SFTPD: variants seen among roughly 807,000 people sequenced by gnomAD.
SFTPD encodes the protein pulmonary surfactant-associated protein D.
A neutral mutation model predicts 34.6 loss-of-function variants in SFTPD; 18 were observed. The ratio of observed to expected loss-of-function variants is 0.52; its 90% CI spans 0.36 to 0.77. The LOEUF is 0.77. Ranked by LOEUF, SFTPD falls within the 30% of genes least tolerant of loss-of-function variation. The pLI is 0.00. For missense variants in SFTPD, 433 were observed against 468.9 expected, an observed-to-expected ratio of 0.92 and a Z score of 0.71; for synonymous variants, 155 against 180.9, an observed-to-expected ratio of 0.86 and a Z score of 1.15.
At chr10:79,963,041 T>C (rs1336755808) in intron 1 of SFTPD, among the ~76,000 whole-genome samples, 14 of 152,106 alleles carry the variant, frequency 9.2e-5, no homozygotes, top group Admixed American at 9.2e-4. Context: ...GGTGTCTTTG[T>C]TTCTATTAAA....
chr10:79,953,422 GTT>G (rs3084853), upstream of SFTPD, among the ~76,000 whole-genome samples: 20,182 of 144,376 alleles, frequency 0.14, 1,846 homozygotes, highest in East Asian at 0.41. Context: ...TGACAGGTGG[GTT>G]TTTTTTTTTT....
chr10:79,943,463 G>A lies in SFTPD; in HGVS notation c.200-584C>T, dbSNP rs17878788. ...GAAGTGTCCCTCATCTCATCTGAGC[G>A]TCCCCACCCCAGCACTCACACACTC... On this transcript the variant is annotated intron_variant, in intron 2 of 7. Coordinates refer to ENST00000372292, the MANE Select transcript of SFTPD (RefSeq NM_003019.5). Among the ~76,000 whole-genome samples, 13 of 152,220 alleles carry A rather than the reference G, an allele frequency of 8.5e-5. No individual in the cohort carries two copies. The East Asian group carries it at 1.2e-3, about 14-fold the overall frequency.
intron 1 of SFTPD, among the ~76,000 whole-genome samples, chr10:79,961,642 C>T (rs1182602376): frequency 6.6e-6 from 1 of 152,162 alleles, no homozygotes; most frequent in Non-Finnish European, 1.5e-5. Flanking sequence ...AGTCAGGAAA[C>T]AACAGGTGCT....
intron 1 of SFTPD, among the ~76,000 whole-genome samples, chr10:79,963,348 T>TAA (rs61707427): frequency 1.2e-4 from 17 of 139,230 alleles, no homozygotes; most frequent in South Asian, 2.2e-4. Flanking sequence ...CCGTGTCTCT[T>TAA]AAAAAAAAAA....
intron 6 of SFTPD, among the ~76,000 whole-genome samples, chr10:79,941,047 A>G (rs948274222): frequency 9.2e-6 from 1 of 108,550 alleles, no homozygotes; most frequent in Non-Finnish European, 1.7e-5. Flanking sequence ...ATATAATGGC[A>G]TCTCCATTGG....
At chr10:79,975,275 AC>A (rs959506858) in intron 1 of SFTPD, among the ~76,000 whole-genome samples, 2 of 151,828 alleles carry the variant, frequency 1.3e-5, no homozygotes, top group African/African-American at 4.8e-5. Flanking sequence ...GTAGGGATGA[AC>A]CTCTCCCTCC....
chr10:79,952,684 C>T (rs1885550), upstream of SFTPD, among the ~76,000 whole-genome samples: 35,093 of 151,990 alleles, frequency 0.23, 4,682 homozygotes, highest in East Asian at 0.56. Context: ...GGGGAATGTT[C>T]ATGGAGGATC....
In SFTPD at chr10:79,954,329, A is replaced by G. The variant is rs114057085; in HGVS notation, c.37-7667T>C. 2.8e-3 allele frequency among the ~76,000 whole-genome samples: 422 copies of G among 152,366 alleles called. 1 individual carries two copies. Among genetic ancestry groups the G allele is most frequent in the African/African-American group, 9.8e-3 (407 of 41,592 alleles). ...TCTGGGTAGGTTGGCTGATAGGGTC[A>G]GCAGACAACCCGCTGTTGGTGACCA... On this transcript the variant is annotated intron_variant, in intron 1 of 5. Transcript: ENST00000444384.
At chr10:79,968,713 T>C (rs1267949563) in intron 1 of SFTPD, 1 of 152,192 alleles carries the variant, frequency 6.6e-6, no homozygotes, top group Non-Finnish European at 1.5e-5. Flanking sequence ...TAGTTCTGGG[T>C]CAAAAAGTAG....
At chr10:79,977,717 T>C (rs1842870558) in intron 1 of SFTPD, among the ~76,000 whole-genome samples, 3 of 152,268 alleles carry the variant, frequency 2.0e-5, no homozygotes, top group Admixed American at 2.0e-4. Context: ...ACAGATGTGA[T>C]ATCCACAGCC....
chr10:79,951,149 C>A (rs1671408218), upstream of SFTPD: 1 of 152,036 alleles, frequency 6.6e-6, no homozygotes, highest in Non-Finnish European at 1.5e-5. Context: ...TCTCATTGAG[C>A]TTCCTTACAA....
At chr10:79,979,744 C>G (rs1033155133) in intron 1 of SFTPD, among the ~76,000 whole-genome samples, 1 of 152,170 alleles carries the variant, frequency 6.6e-6, no homozygotes, top group African/African-American at 2.4e-5. Context: ...CTGGGCAAGT[C>G]CCTATGCTAG....
intron 1 of SFTPD, among the ~76,000 whole-genome samples, chr10:79,965,018 T>G (rs1842795774): frequency 6.6e-6 from 1 of 152,176 alleles, no homozygotes; most frequent in Admixed American, 6.5e-5. Context: ...CTCAGGCTTT[T>G]GGTATTCAGT....
At chr10:79,959,244 C>T (rs1363240931) in intron 1 of SFTPD, among the ~76,000 whole-genome samples, 1 of 151,014 alleles carries the variant, frequency 6.6e-6, no homozygotes, top group African/African-American at 2.5e-5. Flanking sequence ...ACTAGAAAAG[C>T]AAGAGCAAAC....
chr10:79,968,523 C>G (rs1341183685), intron 1 of SFTPD: 1 of 152,182 alleles, frequency 6.6e-6, no homozygotes, highest in Non-Finnish European at 1.5e-5. Context: ...GTGTGGTATT[C>G]CATGATGTAT....
intron 1 of SFTPD, among the ~76,000 whole-genome samples, chr10:79,960,199 G>A (rs1472387776): frequency 0.017 from 2,470 of 148,240 alleles, 63 homozygotes; most frequent in African/African-American, 0.059. Flanking sequence ...TACTGAATGG[G>A]CAAAAACTGG....
intron 1 of SFTPD, among the ~76,000 whole-genome samples, chr10:79,964,360 A>T (rs1399171883): frequency 6.6e-6 from 1 of 152,190 alleles, no homozygotes; most frequent in African/African-American, 2.4e-5. Context: ...AAGGCATCAG[A>T]TCCCATTGCT....
Position 79,942,084 on chromosome 10 carries a change from A to C in SFTPD, c.434-14T>G. ...CACCTACTTCTCCTGAAGAAGGAAC[A>C]CACAGGAACAAACACAGCTAAGAGC... On this transcript the variant is annotated splice_polypyrimidine_tract_variant and intron_variant, in intron 4 of 7. Coordinates refer to ENST00000372292, the MANE Select transcript of SFTPD (RefSeq NM_003019.5). The C allele has an allele frequency of 1.3e-6, 2 of 1,579,080 alleles. No individual in the cohort carries two copies. Among genetic ancestry groups the C allele is most frequent in the Non-Finnish European group, 1.7e-6 (2 of 1,150,074 alleles).
chr10:79,942,297 C>T, intron 4 of SFTPD, 91 bp downstream of exon 4: 1 of 906,170 alleles, frequency 1.1e-6, no homozygotes, highest in South Asian at 1.4e-5. Context: ...TCTGGGCTCT[C>T]CCTGGCACTC....
Sources: allele counts gnomAD v4.1 joint callset (sites outside exome capture counted in the v4.1 genomes callset), GRCh38; gene constraint gnomAD v4.1.1; transcripts MANE v1.5; gene names NCBI Gene and HGNC (gene_info 2026-07-23, HGNC 2026-07-21).